Variants in ULK4 observed in about 807,000 individuals in gnomAD.
The protein encoded by ULK4 is inactive serine/threonine-protein kinase ULK4.
A neutral mutation model predicts 160.6 loss-of-function variants in ULK4; 133 were observed. That is an observed-to-expected ratio of 0.83 (90% CI 0.72 to 0.96). ULK4 has a LOEUF of 0.96. Among genes scored for constraint, ULK4 ranks in the 40% least tolerant of loss-of-function variants. ULK4 has a pLI of 0.00. For missense variants in ULK4, 1,580 were observed against 1,499.5 expected (o/e 1.05, Z -0.89); for synonymous variants, 534 against 539.8 (o/e 0.99, Z 0.15).
chr3:41,761,615 A>C (rs865841285), intron 21 of ULK4, among the ~76,000 whole-genome samples: 5 of 151,902 alleles, frequency 3.3e-5, no homozygotes, highest in Admixed American at 1.3e-4. Flanking sequence ...AAATAACATA[A>C]ATAGATTAGA....
chr3:41,653,415 G>A (rs2034820033), intron 30 of ULK4, among the ~76,000 whole-genome samples: 1 of 152,096 alleles, frequency 6.6e-6, no homozygotes, highest in Admixed American at 6.5e-5. Context: ...GCACCCAGTG[G>A]CATGGTATGC....
intron 34 of ULK4, among the ~76,000 whole-genome samples, chr3:41,400,813 T>G (rs1382086340): frequency 6.6e-6 from 1 of 152,214 alleles, no homozygotes; most frequent in Non-Finnish European, 1.5e-5. Context: ...GTACAAAAGA[T>G]CCAATTTCTC....
At chr3:41,380,630 G>A (rs1168971049) in intron 35 of ULK4, among the ~76,000 whole-genome samples, 1 of 152,086 alleles carries the variant, frequency 6.6e-6, no homozygotes, top group Non-Finnish European at 1.5e-5. Context: ...GTTGGCCTGG[G>A]ACAGTCAAGG....
intron 5 of ULK4, among the ~76,000 whole-genome samples, chr3:41,926,499 T>C (rs1336042083): frequency 6.6e-6 from 1 of 152,136 alleles, no homozygotes; most frequent in Non-Finnish European, 1.5e-5. Context: ...GAGAACGAGT[T>C]TGCCAAATTG....
chr3:41,833,963 C>A (rs9852991), intron 18 of ULK4, among the ~76,000 whole-genome samples: 27,719 of 151,810 alleles, frequency 0.18, 2,608 homozygotes, highest in Middle Eastern at 0.32. Flanking sequence ...TACCTGTTGC[C>A]TAAAATGATA....
intron 22 of ULK4, among the ~76,000 whole-genome samples, chr3:41,722,286 A>G (rs2037498621): frequency 6.6e-6 from 1 of 152,170 alleles, no homozygotes; most frequent in African/African-American, 2.4e-5. Flanking sequence ...CATGCTCAAA[A>G]GTCCTGCCCC....
intron 18 of ULK4, among the ~76,000 whole-genome samples, chr3:41,832,497 T>C (rs893841358): frequency 6.6e-6 from 1 of 152,214 alleles, no homozygotes; most frequent in Non-Finnish European, 1.5e-5. Flanking sequence ...GCTGTCTGTT[T>C]ACTCTGATGC....
intron 17 of ULK4, among the ~76,000 whole-genome samples, chr3:41,881,415 G>A (rs2125701296): frequency 6.6e-6 from 1 of 151,794 alleles, no homozygotes; most frequent in East Asian, 1.9e-4. Flanking sequence ...CTTTTTTTCT[G>A]GTGCTTGAAT....
intron 21 of ULK4, among the ~76,000 whole-genome samples, chr3:41,783,116 C>A (rs1363547339): frequency 6.6e-6 from 1 of 151,720 alleles, no homozygotes; most frequent in East Asian, 1.9e-4. Context: ...ATATGCATAG[C>A]AAGTACGAAT....
intron 32 of ULK4, among the ~76,000 whole-genome samples, chr3:41,536,942 A>G (rs2086522056): frequency 6.6e-6 from 1 of 152,226 alleles, no homozygotes; most frequent in Non-Finnish European, 1.5e-5. Context: ...TTCAGTGCCC[A>G]TATAAAAATA....
chr3:41,960,369 CTT>C (rs11456275), intron 1 of ULK4, among the ~76,000 whole-genome samples: 41 of 135,218 alleles, frequency 3.0e-4, no homozygotes, highest in Non-Finnish European at 5.6e-4. Flanking sequence ...AAATGATTTT[CTT>C]TTTTTTTTTT....
At chr3:41,445,867 G>C (rs1361826925) in intron 34 of ULK4, among the ~76,000 whole-genome samples, 5 of 152,000 alleles carry the variant, frequency 3.3e-5, no homozygotes, top group African/African-American at 1.2e-4. Flanking sequence ...AGACAAAATT[G>C]ACAAATGGGA....
intron 34 of ULK4, among the ~76,000 whole-genome samples, chr3:41,429,666 A>C (rs1458962734): frequency 1.3e-5 from 2 of 152,060 alleles, no homozygotes; most frequent in African/African-American, 4.8e-5. Flanking sequence ...GCATGTTCTC[A>C]CTTGTAAGTG....
At chr3:41,476,136 C>T (rs183157244) in intron 32 of ULK4, among the ~76,000 whole-genome samples, 1 of 152,068 alleles carries the variant, frequency 6.6e-6, no homozygotes, top group African/African-American at 2.4e-5. Flanking sequence ...GCTGACACCA[C>T]CAGTGGTCCA....
At chr3:41,283,752 C>A (rs1360498062) in intron 35 of ULK4, among the ~76,000 whole-genome samples, 1 of 151,860 alleles carries the variant, frequency 6.6e-6, no homozygotes, top group Non-Finnish European at 1.5e-5. Flanking sequence ...ATGGAACAAA[C>A]CTGCACGTTT....
chr3:41,498,576 CTTTTT>C (rs56321420), intron 32 of ULK4, among the ~76,000 whole-genome samples: 2 of 144,190 alleles, frequency 1.4e-5, no homozygotes. Flanking sequence ...TCTTTTTTTT[CTTTTT>C]TTTTTTTTTG....
intron 30 of ULK4, among the ~76,000 whole-genome samples, chr3:41,650,750 C>T (rs1413593601): frequency 6.6e-6 from 1 of 152,182 alleles, no homozygotes; most frequent in Admixed American, 6.5e-5. Flanking sequence ...GCGCCAGCAG[C>T]CACAGAGGTT....
At chr3:41,387,273 T>A (rs1455502863) in intron 35 of ULK4, among the ~76,000 whole-genome samples, 8 of 152,148 alleles carry the variant, frequency 5.3e-5, no homozygotes, top group Non-Finnish European at 8.8e-5. Context: ...TACCTACAAC[T>A]CTTTGAAACT....
chr3:41,635,438 A>G (rs2033914797), intron 30 of ULK4, among the ~76,000 whole-genome samples: 2 of 152,004 alleles, frequency 1.3e-5, no homozygotes, highest in Admixed American at 6.6e-5. Flanking sequence ...ATATTTATAT[A>G]AATATATAGA....
Sources: allele counts gnomAD v4.1 joint callset (sites outside exome capture counted in the v4.1 genomes callset), GRCh38; gene constraint gnomAD v4.1.1; transcripts MANE v1.5; gene names NCBI Gene and HGNC (gene_info 2026-07-23, HGNC 2026-07-21).